Variants in SLC24A2 observed in about 807,000 individuals in gnomAD.
The protein encoded by SLC24A2 is solute carrier family 24 member 2.
SLC24A2 carries 36 observed loss-of-function variants against 62.0 expected under a neutral mutation model. The observed-to-expected ratio is 0.58, with a 90% CI of 0.44 to 0.77. The LOEUF (loss-of-function observed/expected upper bound fraction) is 0.77. Among genes scored for constraint, SLC24A2 ranks in the 30% least tolerant of loss-of-function variants. SLC24A2 has a pLI of 0.00. For synonymous variants in SLC24A2, 358 were observed against 294.0 expected (o/e 1.22, Z -2.23); for missense variants, 846 against 817.9 (o/e 1.03, Z -0.42).
At chr9:19,521,244 A>G (rs1456970249) in intron 9 of SLC24A2, among the ~76,000 whole-genome samples, 184 bp from the exon 10 acceptor site, 1 of 152,232 alleles carries the variant, frequency 6.6e-6, no homozygotes, top group Admixed American at 6.5e-5. Flanking sequence ...GGATATTCAG[A>G]CCCAAGGCAT....
the SLC24A2 span, among the ~76,000 whole-genome samples, chr9:20,033,996 A>C: frequency 6.6e-5 from 10 of 152,160 alleles, no homozygotes; most frequent in Non-Finnish European, 1.5e-5. Flanking sequence ...TGAACCTCAA[A>C]ATTACCACAT....
chr9:20,024,863 G>C, the SLC24A2 span, among the ~76,000 whole-genome samples: 1 of 152,104 alleles, frequency 6.6e-6, no homozygotes, highest in South Asian at 2.1e-4. Context: ...GTGTTTTTCA[G>C]TTTGTGGACA....
At chr9:19,868,676 C>T in the SLC24A2 span, among the ~76,000 whole-genome samples, 3 of 152,094 alleles carry the variant, frequency 2.0e-5, no homozygotes, top group East Asian at 3.9e-4. Context: ...TTTATAATTG[C>T]TATATCTTCC....
At position 19,513,155 on chromosome 9, in the gene SLC24A2, T is replaced by TATATAG. The variant is rs1554665670; in HGVS notation, c.*2997_*2998insCTATAT. On this transcript the variant is annotated 3_prime_UTR_variant, in exon 11 of 11. Transcript: ENST00000341998. Reference sequence around the variant, plus strand: ...TGTACATATAGATCTGGTATAAAGATATATATATATATATATATATGTATA... The same window carrying TATATAG: ...TGTACATATAGATCTGGTATAAAGATATATAGATATATATATATATATATATGTATA... The TATATAG allele has an allele frequency of 1.6e-4, 9 of 55,844 alleles. No individual in the cohort carries two copies. The highest frequency in any genetic ancestry group is 0.011 in the Middle Eastern group (1 of 90). The allele number at this position is 55,844 out of a possible 1,614,324, so 3.5% of individuals were successfully genotyped here. A position where few individuals can be genotyped will look rare whatever the true frequency, so the allele number is the denominator to read the frequency against.
the SLC24A2 span, among the ~76,000 whole-genome samples, chr9:20,012,967 T>C: frequency 6.6e-6 from 1 of 152,106 alleles, no homozygotes; most frequent in African/African-American, 2.4e-5. Flanking sequence ...ATTGTGAATA[T>C]GTTCATACTA....
chr9:20,118,907 G>A, the SLC24A2 span, among the ~76,000 whole-genome samples: 6 of 152,010 alleles, frequency 3.9e-5, no homozygotes, highest in Non-Finnish European at 2.9e-5. Flanking sequence ...TGTCAAAGGT[G>A]GTGAGATGTC....
the SLC24A2 span, among the ~76,000 whole-genome samples, chr9:20,016,260 A>G: frequency 0.72 from 110,196 of 152,034 alleles, 40,083 homozygotes; most frequent in Admixed American, 0.79. Context: ...CCTTTCATGA[A>G]ATATTATTAC....
chr9:20,208,010 A>G, the SLC24A2 span, among the ~76,000 whole-genome samples: 3 of 152,234 alleles, frequency 2.0e-5, no homozygotes, highest in African/African-American at 7.2e-5. Flanking sequence ...TCTGCCTTCA[A>G]TGGACTTAAA....
chr9:19,733,299 A>C (rs1756621055), intron 2 of SLC24A2, among the ~76,000 whole-genome samples: 1 of 152,174 alleles, frequency 6.6e-6, no homozygotes, highest in Admixed American at 6.5e-5. Flanking sequence ...TATTGTCAGA[A>C]CATTACTGAC....
the SLC24A2 span, among the ~76,000 whole-genome samples, chr9:19,914,186 T>G: frequency 2.6e-5 from 4 of 152,080 alleles, no homozygotes; most frequent in Non-Finnish European, 4.4e-5. Flanking sequence ...TGTCCAGGGT[T>G]AGATTCTTGA....
At chr9:20,240,412 C>A in the SLC24A2 span, among the ~76,000 whole-genome samples, 8 of 152,086 alleles carry the variant, frequency 5.3e-5, no homozygotes, top group Admixed American at 4.6e-4. Context: ...AACTTGGAAC[C>A]TCATGAAAGC....
At chr9:19,843,170 TC>T in the SLC24A2 span, among the ~76,000 whole-genome samples, 5 of 152,238 alleles carry the variant, frequency 3.3e-5, no homozygotes, top group African/African-American at 9.6e-5. Flanking sequence ...TAGAAGAGTG[TC>T]CTTTGTCTTG....
the SLC24A2 span, among the ~76,000 whole-genome samples, chr9:20,242,155 A>G: frequency 6.6e-6 from 1 of 152,054 alleles, no homozygotes; most frequent in African/African-American, 2.4e-5. Context: ...CCTGCCCCCC[A>G]CAGTCCCCAA....
chr9:19,538,407 G>T (rs1431348451), intron 8 of SLC24A2, among the ~76,000 whole-genome samples: 1 of 105,518 alleles, frequency 9.5e-6, no homozygotes, highest in Non-Finnish European at 1.8e-5. Context: ...AGAGTTTTTA[G>T]CATGAAGGGT....
At chr9:20,198,209 G>A in the SLC24A2 span, among the ~76,000 whole-genome samples, 28 of 152,290 alleles carry the variant, frequency 1.8e-4, no homozygotes, top group Admixed American at 1.1e-3. Flanking sequence ...GAGTTCACTC[G>A]GGAAAGGGGG....
the SLC24A2 span, among the ~76,000 whole-genome samples, chr9:19,891,746 T>TA: frequency 6.6e-6 from 1 of 151,926 alleles, no homozygotes; most frequent in East Asian, 1.9e-4. Flanking sequence ...ATCCTGTCTC[T>TA]AAAAAAACCA....
At chr9:19,535,744 T>G (rs1246326110) in intron 8 of SLC24A2, among the ~76,000 whole-genome samples, 1 of 152,176 alleles carries the variant, frequency 6.6e-6, no homozygotes, top group Non-Finnish European at 1.5e-5. Context: ...CATGCTGTTT[T>G]GGTTACGGTA....
At chr9:20,284,470 G>C in the SLC24A2 span, among the ~76,000 whole-genome samples, 1 of 151,946 alleles carries the variant, frequency 6.6e-6, no homozygotes, top group African/African-American at 2.4e-5. Context: ...TAACTGCAGA[G>C]AAATCTCTGA....
At chr9:19,905,568 C>T in the SLC24A2 span, among the ~76,000 whole-genome samples, 93 of 152,098 alleles carry the variant, frequency 6.1e-4, no homozygotes, top group Non-Finnish European at 9.1e-4. Flanking sequence ...CATGCGCTAC[C>T]ACACCCGGCT....
Sources: allele counts gnomAD v4.1 joint callset (sites outside exome capture counted in the v4.1 genomes callset), GRCh38; gene constraint gnomAD v4.1.1; transcripts MANE v1.5; gene names NCBI Gene and HGNC (gene_info 2026-07-23, HGNC 2026-07-21).